Variants in CCDC169 observed in about 807,000 individuals in gnomAD.
CCDC169 encodes the protein coiled-coil domain-containing protein 169.
Under a neutral mutation model 36.0 loss-of-function variants are expected in CCDC169, and 30 were observed. That is an observed-to-expected ratio of 0.83 (90% CI 0.62 to 1.13). CCDC169 has a LOEUF of 1.13. CCDC169 is among the 50% of genes most tolerant of loss of function. The pLI is 0.00. For missense variants in CCDC169, 245 were observed against 245.9 expected, an observed-to-expected ratio of 1.00 and a Z score of 0.03; for synonymous variants, 85 against 81.5, an observed-to-expected ratio of 1.04 and a Z score of -0.23.
intron 2 of CCDC169, among the ~76,000 whole-genome samples, chr13:36,286,138 T>C (rs573971379): frequency 7.2e-4 from 109 of 152,336 alleles, no homozygotes; most frequent in African/African-American, 2.5e-3. Context: ...TGAATACTAG[T>C]TGCTGATGGC....
At chr13:36,297,593 G>A in intron 1 of CCDC169, 44 bp downstream of exon 1, 12 of 1,530,626 alleles carry the variant, frequency 7.8e-6, no homozygotes, top group Admixed American at 2.0e-5. Context: ...TGAAGGCTCG[G>A]GGGGTGTGGA....
At chr13:36,269,444 A>G (rs929657377) in intron 4 of CCDC169, among the ~76,000 whole-genome samples, 2 of 152,200 alleles carry the variant, frequency 1.3e-5, no homozygotes, top group Non-Finnish European at 2.9e-5. Flanking sequence ...TCACCCTGAT[A>G]CTAATATCTG....
At chr13:36,261,297 G>T (rs1874573919) in intron 4 of CCDC169, among the ~76,000 whole-genome samples, 1 of 152,080 alleles carries the variant, frequency 6.6e-6, no homozygotes, top group South Asian at 2.1e-4. Context: ...TAGTACTGCT[G>T]CTGCTCAATG....
intron 4 of CCDC169, among the ~76,000 whole-genome samples, chr13:36,273,583 C>T (rs567161233): frequency 5.3e-5 from 8 of 152,274 alleles, no homozygotes; most frequent in Non-Finnish European, 8.8e-5. Flanking sequence ...AATAATACTA[C>T]GCTTCAATAA....
At chr13:36,240,161 T>G (rs1871610648) in intron 7 of CCDC169, among the ~76,000 whole-genome samples, 2 of 152,088 alleles carry the variant, frequency 1.3e-5, no homozygotes, top group Admixed American at 1.3e-4. Context: ...ACTATTTTTT[T>G]AAACACTGTA....
At chr13:36,290,758 G>C (rs1878779027) in intron 2 of CCDC169, among the ~76,000 whole-genome samples, 1 of 151,946 alleles carries the variant, frequency 6.6e-6, no homozygotes, top group Non-Finnish European at 1.5e-5. Context: ...TGCCTAAAAG[G>C]GGTTTTAAAG....
intron 2 of CCDC169, among the ~76,000 whole-genome samples, chr13:36,287,284 A>T (rs976203502): frequency 1.3e-5 from 2 of 151,226 alleles, no homozygotes; most frequent in African/African-American, 4.8e-5. Flanking sequence ...AACTGAAAAT[A>T]AAAAATAACA....
chr13:36,239,415 A>T (rs1009107685), intron 7 of CCDC169, among the ~76,000 whole-genome samples: 1 of 152,138 alleles, frequency 6.6e-6, no homozygotes, highest in Non-Finnish European at 1.5e-5. Context: ...GCTCCTGAGT[A>T]TTATGATTTT....
chr13:36,296,317 C>T (rs777319359), intron 1 of CCDC169, among the ~76,000 whole-genome samples: 69 of 152,318 alleles, frequency 4.5e-4, no homozygotes, highest in Admixed American at 8.5e-4. Context: ...TGGTCTCGAA[C>T]TCCTAACCTT....
intron 7 of CCDC169, among the ~76,000 whole-genome samples, chr13:36,242,565 G>A (rs1275659679): frequency 6.6e-6 from 1 of 151,896 alleles, no homozygotes. Context: ...TATTAGATGA[G>A]TGATTTGCAT....
At position 36,281,388 on chromosome 13, in the gene CCDC169, C is replaced by T. The variant is rs958769676; in HGVS notation, c.315+2081G>A. The T allele has an allele frequency of 3.4e-5, 12 of 356,510 alleles. No homozygotes were observed. In the East Asian group the frequency reaches 8.5e-4, roughly 25 times the overall value. The allele number at this position is 356,510 out of a possible 1,614,324, so 22.1% of individuals were successfully genotyped here. A position where few individuals can be genotyped will look rare whatever the true frequency, so the allele number is the denominator to read the frequency against. On this transcript the variant is annotated intron_variant, in intron 4 of 7. Transcript: ENST00000239859. Reference sequence around the variant, plus strand: ...AATAAAATTTTAATAAATTACCCCACTGAAAGACACTTAGAAGATAATATA... The same window carrying T: ...AATAAAATTTTAATAAATTACCCCATTGAAAGACACTTAGAAGATAATATA...
intron 7 of CCDC169, among the ~76,000 whole-genome samples, chr13:36,237,007 G>A (rs1056051437): frequency 6.6e-6 from 1 of 151,860 alleles, no homozygotes; most frequent in African/African-American, 2.4e-5. Flanking sequence ...TAACACAAAA[G>A]TAAATGCTAT....
chr13:36,249,440 A>G (rs1013804963), intron 6 of CCDC169, among the ~76,000 whole-genome samples: 2 of 152,178 alleles, frequency 1.3e-5, no homozygotes, highest in Non-Finnish European at 2.9e-5. Flanking sequence ...TGCTTCGCCA[A>G]ATTTGAAGAG....
intron 4 of CCDC169, among the ~76,000 whole-genome samples, chr13:36,261,007 G>A (rs1050320028): frequency 6.6e-6 from 1 of 152,122 alleles, no homozygotes; most frequent in African/African-American, 2.4e-5. Flanking sequence ...TGATAACTGG[G>A]GATGAGGAAA....
At chr13:36,222,253 G>A (rs1020874067), downstream of CCDC169, 4 of 152,272 alleles carry the variant, frequency 2.6e-5, no homozygotes, top group African/African-American at 9.6e-5. Flanking sequence ...CCTCAGAGCA[G>A]GGTAGGGGAT....
chr13:36,291,711 AT>A (rs1878916822), intron 2 of CCDC169, among the ~76,000 whole-genome samples: 1 of 151,936 alleles, frequency 6.6e-6, no homozygotes, highest in Admixed American at 6.6e-5. Flanking sequence ...CAGCTTTGGT[AT>A]TTTTTCCCCC....
chr13:36,255,042 G>A (rs1010252519), intron 4 of CCDC169, among the ~76,000 whole-genome samples: 2 of 151,926 alleles, frequency 1.3e-5, no homozygotes, highest in African/African-American at 4.8e-5. Flanking sequence ...TTTTTCCAGA[G>A]TGCCCAGAGT....
At chr13:36,292,092 A>T (rs1296703359) in intron 2 of CCDC169, among the ~76,000 whole-genome samples, 1 of 150,576 alleles carries the variant, frequency 6.6e-6, no homozygotes, top group Non-Finnish European at 1.5e-5. Flanking sequence ...GGTTCAATCG[A>T]TTCTCCTGCC....
intron 4 of CCDC169, chr13:36,282,466 C>A: frequency 3.0e-6 from 3 of 985,350 alleles, no homozygotes; most frequent in Non-Finnish European, 3.6e-6. Flanking sequence ...GATTTCTAAT[C>A]TCTGCTGCTC....
Sources: gnomAD v4.1 joint callset for allele counts (sites outside exome capture counted in the v4.1 genomes callset) on GRCh38, gnomAD v4.1.1 for gene constraint, MANE v1.5 for transcripts, NCBI Gene and HGNC (gene_info 2026-07-23, HGNC 2026-07-21) for gene names.